The following PCDHGC3 variants were observed in gnomAD, a reference collection of about 807,000 sequenced individuals.
The protein encoded by PCDHGC3 is protocadherin gamma subfamily C, 3, also known as protocadherin gamma-C3.
In PCDHGC3, 26 loss-of-function variants were observed where a neutral mutation model predicts 59.2. That is an observed-to-expected ratio of 0.44 (90% CI 0.32 to 0.61). The LOEUF (loss-of-function observed/expected upper bound fraction) is 0.61. Among genes scored for constraint, PCDHGC3 ranks in the 20% least tolerant of loss-of-function variants. PCDHGC3 has a pLI of 0.05. For synonymous variants in PCDHGC3, 487 were observed against 519.7 expected, an observed-to-expected ratio of 0.94 and a Z score of 0.86; for missense variants, 1,080 against 1,221.8, an observed-to-expected ratio of 0.88 and a Z score of 1.73.
Position 141,487,649 on chromosome 5 carries a change from G to T in PCDHGC3, c.2431-7158G>T. The T allele has an allele frequency of 1.2e-6, 2 of 1,614,020 alleles. No individual in the cohort carries two copies. The highest frequency in any genetic ancestry group is 1.7e-6 in the Non-Finnish European group (2 of 1,179,968). The stretch of plus-strand genomic sequence containing the variant: ...TTTGCAGGCTCAACAAATGCTTGAG[G>T]GTTATTCTGATCCAGGCATATGGCT... On this transcript the variant is annotated intron_variant, in intron 1 of 3. Coordinates refer to ENST00000308177, the MANE Select transcript of PCDHGC3 (RefSeq NM_002588.4). This position sits in a 1 kb window ranked among gnomAD's most constrained non-coding sequence, Gnocchi z 5.0.
chr5:141,493,179 T>C lies in PCDHGC3; in HGVS notation c.2431-1628T>C, dbSNP rs1208502829. 6.6e-6 allele frequency among the ~76,000 whole-genome samples: 1 copy of C among 152,230 alleles called. No homozygotes were observed. Among genetic ancestry groups the C allele is most frequent in the Non-Finnish European group, 1.5e-5 (1 of 68,040 alleles). On this transcript the variant is annotated intron_variant, in intron 1 of 3. Coordinates refer to ENST00000308177, the MANE Select transcript of PCDHGC3 (RefSeq NM_002588.4). This position sits in a 1 kb window ranked among gnomAD's most constrained non-coding sequence, Gnocchi z 4.3. ...TGATAGCTGATTGAGAGAAACTTAC[T>C]ATATAACTCCTTTGAGAACCTCATC...
chr5:141,478,142 G>T lies in PCDHGC3; in HGVS notation c.2026G>T (p.Glu676Ter), dbSNP rs774271595. ...VTEDSPEARA[E>*]FPSGSAPREQ... ...CGAGGACTCTCCTGAAGCCCGAGCC[G>T]AGTTCCCCTCTGGCTCTGCCCCCCG... Residue 676 changes from glutamate (E) to a stop codon, truncating the protein, a stop_gained, in exon 1 of 4, where the codon GAG becomes TAG. Coordinates refer to ENST00000308177, the MANE Select transcript of PCDHGC3 (RefSeq NM_002588.4). LOFTEE classifies it high-confidence loss of function. 8 of 1,613,988 alleles carry T rather than the reference G, an allele frequency of 5.0e-6. No homozygotes were observed. The highest frequency in any genetic ancestry group is 6.8e-6 in the Non-Finnish European group (8 of 1,180,024).
rs1356739313 is a variant in PCDHGC3, at chr5:141,490,444, A to T, written c.2431-4363A>T. The T allele has an allele frequency of 6.2e-7, 1 of 1,614,194 alleles. No individual in the cohort carries two copies. Among genetic ancestry groups the T allele is most frequent in the Non-Finnish European group, 8.5e-7 (1 of 1,180,034 alleles). On this transcript the variant is annotated intron_variant, in intron 1 of 3. Transcript: ENST00000308177. The surrounding 1 kb of genome is among the most constrained non-coding windows in gnomAD (Gnocchi z 5.4). ...GCCATTTCAGATTAAGCCTTCTGAG[A>T]ACCACTACTCGCTGCTAACCAGCCA...
intron 2 of PCDHGC3, among the ~76,000 whole-genome samples, chr5:141,502,408 G>A (rs1197275813): frequency 6.6e-6 from 1 of 151,782 alleles, no homozygotes; most frequent in Non-Finnish European, 1.5e-5. Context: ...CCCGAACCTG[G>A]ATTTGCTGGC....
chr5:141,508,527 GCACC>G (rs2099869479), intron 3 of PCDHGC3, among the ~76,000 whole-genome samples: 1 of 152,104 alleles, frequency 6.6e-6, no homozygotes, highest in Non-Finnish European at 1.5e-5. Flanking sequence ...CAACCTCAGG[GCACC>G]CCCCACGAGG....
intron 2 of PCDHGC3, among the ~76,000 whole-genome samples, chr5:141,504,351 G>C (rs77439649): frequency 0.021 from 3,233 of 152,120 alleles, 109 homozygotes; most frequent in African/African-American, 0.075. Context: ...CTTTGTGCTA[G>C]GTGCTTCAGT....
Position 141,511,400 on chromosome 5 carries a change from T to C in PCDHGC3, c.*227T>C. The C allele has an allele frequency of 2.0e-6, 2 of 982,250 alleles. No individual in the cohort carries two copies. Among genetic ancestry groups the C allele is most frequent in the Non-Finnish European group, 2.9e-6 (2 of 688,054 alleles). The allele number at this position is 982,250 out of a possible 1,614,324, so 60.8% of individuals were successfully genotyped here. On this transcript the variant is annotated 3_prime_UTR_variant, in exon 4 of 4. Coordinates refer to ENST00000308177, the MANE Select transcript of PCDHGC3 (RefSeq NM_002588.4). ...AGTTCCGCTGGGAACCCCCATCCAA[T>C]CAACTGCTGTACCCATGGGGGTAGT...
Position 141,485,166 on chromosome 5 carries a change from C to T in PCDHGC3, c.2430+6620C>T, listed in dbSNP as rs1180453938. 2 of 1,606,374 alleles carry T rather than the reference C, an allele frequency of 1.2e-6. No individual in the cohort carries two copies. Among genetic ancestry groups the T allele is most frequent in the Non-Finnish European group, 8.5e-7 (1 of 1,174,214 alleles). ...CAGGAGCAAGTAGAGAATTAGCGGG[C>T]GGCAGCAATGCTCCGCAAGGTGAGA... On this transcript the variant is annotated intron_variant, in intron 1 of 3. Transcript: ENST00000308177. The surrounding 1 kb of genome is among the most constrained non-coding windows in gnomAD (Gnocchi z 5.7).
Position 141,476,376 on chromosome 5 carries a change from T to C in PCDHGC3, c.260T>C (p.Phe87Ser). Reference protein sequence around the residue: ...FEVNRETGEMFVNDRLDREEL... With the variant: ...FEVNRETGEMSVNDRLDREEL... ...GTGAACCGGGAGACCGGAGAGATGT[T>C]TGTGAACGACCGTCTGGATCGAGAG... The change falls in exon 1 of 4, where the codon TTT (phenylalanine) becomes TCT (serine). Residue 87 changes from phenylalanine (F) to serine (S), a missense_variant. By Grantham distance (155) the Phe-to-Ser change is radical. Coordinates refer to ENST00000308177, the MANE Select transcript of PCDHGC3 (RefSeq NM_002588.4). The surrounding 1 kb of genome is among the most constrained non-coding windows in gnomAD (Gnocchi z 7.6). The C allele has an allele frequency of 6.2e-7, 1 of 1,614,060 alleles. No homozygotes were observed. Among genetic ancestry groups the C allele is most frequent in the Non-Finnish European group, 8.5e-7 (1 of 1,180,004 alleles).
At chr5:141,507,704 G>A (rs989196400) in intron 3 of PCDHGC3, among the ~76,000 whole-genome samples, 5 of 152,210 alleles carry the variant, frequency 3.3e-5, no homozygotes, top group African/African-American at 9.6e-5. Context: ...AGTATTTATG[G>A]CCCCAAACCC....
At position 141,487,215 on chromosome 5, in the gene PCDHGC3, C is replaced by G. The variant is rs1248989099; in HGVS notation, c.2431-7592C>G. 4 of 1,613,850 alleles carry G rather than the reference C, an allele frequency of 2.5e-6. No homozygotes were observed. Among genetic ancestry groups the G allele is most frequent in the East Asian group, 4.5e-5 (2 of 44,882 alleles). The stretch of plus-strand genomic sequence containing the variant: ...GTCCCAGATCTTCGAGAATCTTCAG[C>G]TCCAAGGGAAGGAGAATCTCGTCTA... On this transcript the variant is annotated intron_variant, in intron 1 of 3. Coordinates refer to ENST00000308177, the MANE Select transcript of PCDHGC3 (RefSeq NM_002588.4). This position sits in a 1 kb window ranked among gnomAD's most constrained non-coding sequence, Gnocchi z 5.0.
At chr5:141,498,372 C>A (rs1008996197) in intron 2 of PCDHGC3, among the ~76,000 whole-genome samples, 3 of 151,730 alleles carry the variant, frequency 2.0e-5, no homozygotes, top group Admixed American at 1.3e-4. Flanking sequence ...GTGGTGAGGC[C>A]TCCTGGGATC....
chr5:141,499,565 C>CTTATCTTGT (rs2099792732), intron 2 of PCDHGC3, among the ~76,000 whole-genome samples: 2 of 152,168 alleles, frequency 1.3e-5, no homozygotes, highest in Non-Finnish European at 2.9e-5. Flanking sequence ...CACTATCCAG[C>CTTATCTTGT]TTCAACTAAT....
Position 141,490,909 on chromosome 5 carries a change from G to T in PCDHGC3, c.2431-3898G>T. 4 of 1,613,744 alleles carry T rather than the reference G, an allele frequency of 2.5e-6. No individual in the cohort carries two copies. Among genetic ancestry groups the T allele is most frequent in the Non-Finnish European group, 3.4e-6 (4 of 1,179,762 alleles). ...ATCTCTGCATGTGTTTGTCCTAGAC[G>T]AGAATGATAATGCCCCAGCTGTGCT... On this transcript the variant is annotated intron_variant, in intron 1 of 3. Transcript: ENST00000308177. The surrounding 1 kb of genome is among the most constrained non-coding windows in gnomAD (Gnocchi z 5.4).
Position 141,493,858 on chromosome 5 carries a change from C to A in PCDHGC3, c.2431-949C>A, listed in dbSNP as rs2099750481. Among the ~76,000 whole-genome samples, 1 of 152,184 alleles carries A rather than the reference C, an allele frequency of 6.6e-6. No homozygotes were observed. The highest frequency in any genetic ancestry group is 1.5e-5 in the Non-Finnish European group (1 of 68,030). On this transcript the variant is annotated intron_variant, in intron 1 of 3. Transcript: ENST00000308177. The surrounding 1 kb of genome is among the most constrained non-coding windows in gnomAD (Gnocchi z 4.3). ...AGTATGAGTATTAATTACCAGCCCA[C>A]CCCAGAACCAGTGAGGAGGTGGCTC...
chr5:141,482,611 G>C (rs1016481108), intron 1 of PCDHGC3, among the ~76,000 whole-genome samples: 4 of 150,398 alleles, frequency 2.7e-5, no homozygotes, highest in Non-Finnish European at 5.9e-5. Context: ...ACACCTAAAT[G>C]AGCCTGGAGA....
Position 141,490,743 on chromosome 5 carries a change from C to T in PCDHGC3, c.2431-4064C>T, listed in dbSNP as rs1011278142. 7.4e-6 allele frequency: 12 copies of T among 1,614,058 alleles called. No homozygotes were observed. The highest frequency in any genetic ancestry group is 1.0e-5 in the Non-Finnish European group (12 of 1,180,038). On this transcript the variant is annotated intron_variant, in intron 1 of 3. Transcript: ENST00000308177. This position sits in a 1 kb window ranked among gnomAD's most constrained non-coding sequence, Gnocchi z 5.4. ...TTGTAGGAAATCAGGTTCAGGGAGC[C>T]CCAGCCTCCTCCTTTGTGTATGTCA...
rs1308015959 is a variant in PCDHGC3, at chr5:141,482,105, AT to A, written c.2430+3560del. Among the ~76,000 whole-genome samples, 417 of 143,332 alleles carry A rather than the reference AT, an allele frequency of 2.9e-3. 1 individual carries two copies. The highest frequency in any genetic ancestry group is 0.011 in the African/African-American group (394 of 37,394). 94.0% of individuals were successfully genotyped at this position (143,332 alleles called of 152,430 possible). Reference sequence around the variant, plus strand: ...ACTCCATCTCAAAAAAAAAAAAAAAATATCTAGAGATGGGAGAATCATATGG... The same window carrying A: ...ACTCCATCTCAAAAAAAAAAAAAAAAATCTAGAGATGGGAGAATCATATGG... On this transcript the variant is annotated intron_variant, in intron 1 of 3. Coordinates refer to ENST00000308177, the MANE Select transcript of PCDHGC3 (RefSeq NM_002588.4).
chr5:141,477,779 A>C lies in PCDHGC3; in HGVS notation c.1663A>C (p.Ile555Leu). ...CCTAGCCACCAACATCAGCGTGAAC[A>C]TATTTGTCACTGATCGCAATGACAA... is the stretch of plus-strand genomic sequence containing the variant. ...PVLATNISVN[I>L]FVTDRNDNAP... is the part of the protein sequence containing the mutation. Residue 555 changes from isoleucine to leucine, a missense_variant, in exon 1 of 4, where the codon ATA becomes CTA. Transcript: ENST00000308177. The surrounding 1 kb of genome is among the most constrained non-coding windows in gnomAD (Gnocchi z 4.9). 1.2e-6 allele frequency: 2 copies of C among 1,614,012 alleles called. No individual in the cohort carries two copies. Among genetic ancestry groups the C allele is most frequent in the Non-Finnish European group, 1.7e-6 (2 of 1,180,020 alleles).
Sources: allele counts gnomAD v4.1 joint callset (sites outside exome capture counted in the v4.1 genomes callset), GRCh38; gene constraint gnomAD v4.1.1; non-coding constraint Gnocchi (gnomAD v3.1); transcripts MANE v1.5; gene names NCBI Gene and HGNC (gene_info 2026-07-23, HGNC 2026-07-21).